The following TMCC2 variants were observed in gnomAD, a reference collection of about 807,000 sequenced individuals.
TMCC2 encodes the protein transmembrane and coiled-coil domains protein 2.
Under a neutral mutation model 49.4 loss-of-function variants are expected in TMCC2, and 16 were observed. The ratio of observed to expected loss-of-function variants is 0.32; its 90% confidence interval spans 0.22 to 0.49. The LOEUF (loss-of-function observed/expected upper bound fraction) is 0.49, where lower values mean the gene tolerates loss of function less well. TMCC2 is among the 20% of genes least tolerant of loss of function. The probability of loss-of-function intolerance (pLI) is 0.99; values close to 1 mark genes in which losing one functional copy is unlikely to be tolerated. For missense variants in TMCC2, 762 were observed against 989.8 expected (o/e 0.77, Z 3.09); for synonymous variants, 397 against 434.1 (o/e 0.91, Z 1.06).
chr1:205,266,379 T>C (rs1574866168), intron 2 of TMCC2, among the ~76,000 whole-genome samples: 1 of 151,180 alleles, frequency 6.6e-6, no homozygotes, highest in African/African-American at 2.4e-5. Context: ...TCCCCTGAGA[T>C]GAGGAGTTGA....
intron 2 of TMCC2, among the ~76,000 whole-genome samples, chr1:205,263,610 G>A (rs527444887): frequency 2.6e-5 from 4 of 152,210 alleles, no homozygotes; most frequent in Admixed American, 2.0e-4. Context: ...GAGGATTTGA[G>A]CCTGGGGAGG....
chr1:205,269,380 C>G lies in TMCC2; in HGVS notation c.1178C>G (p.Ala393Gly). 1 of 1,610,038 alleles carries G rather than the reference C, an allele frequency of 6.2e-7. No individual in the cohort carries two copies. ...GLKDVGANVR[A>G]GISGFGGGVV... Reference sequence around the variant, plus strand: ...AAGGACGTGGGCGCCAACGTGCGCGCAGGCATCAGCGGCTTTGGGGGCGGC... The same window carrying G: ...AAGGACGTGGGCGCCAACGTGCGCGGAGGCATCAGCGGCTTTGGGGGCGGC... The change falls in exon 3 of 5, where the codon GCA (alanine) becomes GGA (glycine). Residue 393 changes from alanine (A) to glycine (G), a missense_variant. Physicochemically the swap from Ala to Gly is moderately conservative, Grantham distance 60. Transcript: ENST00000358024.
intron 2 of TMCC2, among the ~76,000 whole-genome samples, chr1:205,259,005 G>A (rs561182377): frequency 6.6e-6 from 1 of 152,148 alleles, no homozygotes; most frequent in Non-Finnish European, 1.5e-5. Context: ...GGCCGCACTC[G>A]CCTGCTGGGC....
At chr1:205,257,584 G>A (rs1161817806) in intron 2 of TMCC2, among the ~76,000 whole-genome samples, 3 of 152,330 alleles carry the variant, frequency 2.0e-5, no homozygotes, top group African/African-American at 7.2e-5. Context: ...GGATGTGGGC[G>A]CCCTGTGCAG....
rs1381407303 is a variant in TMCC2 at position 205,242,017 on chromosome 1, T to A, written c.720T>A (p.Ala240=). The A allele has an allele frequency of 6.2e-7, 1 of 1,600,574 alleles. No individual in the cohort carries two copies. Among genetic ancestry groups the A allele is most frequent in the African/African-American group, 1.3e-5 (1 of 74,732 alleles). ...ACGGCAGCAACGTGTACCTCCTGGCTGAGGAGGCCGAAGGCATCGGGGACA... is the reference window on the plus strand; with the variant it reads ...ACGGCAGCAACGTGTACCTCCTGGCAGAGGAGGCCGAAGGCATCGGGGACA... ...LADGSNVYLL[A]EEAEGIGDKV... is the part of the protein sequence containing the mutation. Residue 240 remains alanine (A), a synonymous_variant, in exon 2 of 5, where the codon GCT becomes GCA. Transcript: ENST00000358024.
rs1660255636 is a variant in TMCC2 at position 205,241,370 on chromosome 1, A to C, written c.208-135A>C. 1 of 1,002,554 alleles carries C rather than the reference A, an allele frequency of 1.0e-6. No individual in the cohort carries two copies. The highest frequency in any genetic ancestry group is 1.6e-5 in the African/African-American group (1 of 61,212). The allele number at this position is 1,002,554 out of a possible 1,614,324, so 62.1% of individuals were successfully genotyped here. On this transcript the variant is annotated intron_variant, in intron 1 of 4. Coordinates refer to ENST00000358024, the MANE Select transcript of TMCC2 (RefSeq NM_014858.4). This position sits in a 1 kb window ranked among gnomAD's most constrained non-coding sequence, Gnocchi z 7.3. ...CCTTTATGCACGACGGGCCATCCAC[A>C]GAGATCTTCCAGGTTCAGATGGCTG...
chr1:205,271,343 T>A, intron 4 of TMCC2, 88 bp downstream of exon 4: 1 of 1,604,226 alleles, frequency 6.2e-7, no homozygotes, highest in Non-Finnish European at 8.5e-7. Flanking sequence ...ACGTGGGGCA[T>A]GATAGACACA....
intron 2 of TMCC2, 141 bp from the exon 3 acceptor site, chr1:205,268,809 G>A (rs1661451674): frequency 1.3e-6 from 1 of 764,052 alleles, no homozygotes. Flanking sequence ...GGCTGTCAGG[G>A]ATACTGCTCT....
At chr1:205,246,575 G>C (rs1660461166) in intron 2 of TMCC2, 2 of 1,549,298 alleles carry the variant, frequency 1.3e-6, no homozygotes, top group South Asian at 2.4e-5. Flanking sequence ...TGGCTAAAAG[G>C]GTGGCGTGGC....
intron 2 of TMCC2, among the ~76,000 whole-genome samples, chr1:205,250,565 T>A (rs1484820609): frequency 1.3e-5 from 2 of 151,886 alleles, no homozygotes; most frequent in African/African-American, 2.4e-5. Flanking sequence ...AAAGAAAATA[T>A]CCAGTATTCT....
At chr1:205,232,963 C>CA in intron 1 of TMCC2, among the ~76,000 whole-genome samples, 1 of 57,364 alleles carries the variant, frequency 1.7e-5, no homozygotes. Context: ...AAAAAAAACA[C>CA]AAAAAAACAC....
chr1:205,271,691 T>A lies in TMCC2; in HGVS notation c.1819-122T>A, dbSNP rs1661600389. 4 of 1,313,436 alleles carry A rather than the reference T, an allele frequency of 3.0e-6. No homozygotes were observed. The African/African-American group carries it at 5.9e-5, about 19-fold the overall frequency. The allele number at this position is 1,313,436 out of a possible 1,614,324, so 81.4% of individuals were successfully genotyped here. ...CCAGTTGCAGCTGGTCAACCTCCAC[T>A]CCTCCTGGCCTTTGGAGAGGAGACT... On this transcript the variant is annotated intron_variant, in intron 4 of 4. Coordinates refer to ENST00000358024, the MANE Select transcript of TMCC2 (RefSeq NM_014858.4).
intron 2 of TMCC2, among the ~76,000 whole-genome samples, chr1:205,244,884 G>C (rs142253572): frequency 6.6e-6 from 1 of 152,144 alleles, no homozygotes; most frequent in Non-Finnish European, 1.5e-5. Flanking sequence ...AGAATAAAGA[G>C]GAGTGAGAGA....
intron 1 of TMCC2, chr1:205,229,546 G>A: frequency 2.9e-5 from 1 of 35,084 alleles, no homozygotes; most frequent in Non-Finnish European, 4.6e-5. Context: ...GTGAAGGGGC[G>A]GGGGGGGGGG....
chr1:205,228,864 G>A (rs1659670240), intron 1 of TMCC2, 93 bp downstream of exon 1: 14 of 1,470,210 alleles, frequency 9.5e-6, no homozygotes, highest in Admixed American at 2.3e-5. Context: ...AAGTGAGGGG[G>A]GAAGCCAGGC....
At position 205,228,307 on chromosome 1, in the gene TMCC2, C is replaced by T. The variant is rs1332415279; in HGVS notation, c.-258C>T. 2 of 375,836 alleles carry T rather than the reference C, an allele frequency of 5.3e-6. No homozygotes were observed. Among genetic ancestry groups the T allele is most frequent in the Non-Finnish European group, 4.9e-6 (1 of 204,938 alleles). The allele number at this position is 375,836 out of a possible 1,614,324, so 23.3% of individuals were successfully genotyped here. On this transcript the variant is annotated 5_prime_UTR_variant, in exon 1 of 5. Coordinates refer to ENST00000358024, the MANE Select transcript of TMCC2 (RefSeq NM_014858.4). ...AATGACTGCCCAAGGACTCTTGCTGCCCAGCCTCGACTGTGACCTGTCTTC... is the reference window on the plus strand; with the variant it reads ...AATGACTGCCCAAGGACTCTTGCTGTCCAGCCTCGACTGTGACCTGTCTTC...
chr1:205,270,487 C>G (rs927038822), intron 3 of TMCC2, among the ~76,000 whole-genome samples: 1 of 152,216 alleles, frequency 6.6e-6, no homozygotes, highest in African/African-American at 2.4e-5. Flanking sequence ...CCCTTTTCTG[C>G]CCTTGGCTCT....
intron 1 of TMCC2, chr1:205,236,454 G>A (rs1043961341): frequency 2.6e-5 from 4 of 152,250 alleles, no homozygotes; most frequent in African/African-American, 9.6e-5. Flanking sequence ...AGATGGATTT[G>A]TAGAGACTTG....
At position 205,228,390 on chromosome 1, in the gene TMCC2, C is replaced by T; in HGVS notation, c.-175C>T. 1 of 565,982 alleles carries T rather than the reference C, an allele frequency of 1.8e-6. No homozygotes were observed. Among genetic ancestry groups the T allele is most frequent in the Non-Finnish European group, 3.1e-6 (1 of 322,384 alleles). The allele number at this position is 565,982 out of a possible 1,614,324, so 35.1% of individuals were successfully genotyped here. On this transcript the variant is annotated 5_prime_UTR_variant, in exon 1 of 5. Coordinates refer to ENST00000358024, the MANE Select transcript of TMCC2 (RefSeq NM_014858.4). ...ATAACCAAGGCTCCCCCTTCTCGCC[C>T]CTCCCTCACCCGCCTTTAAGAATTT...
Sources: allele counts gnomAD v4.1 joint callset (sites outside exome capture counted in the v4.1 genomes callset), GRCh38; gene constraint gnomAD v4.1.1; non-coding constraint Gnocchi (gnomAD v3.1); transcripts MANE v1.5; gene names NCBI Gene and HGNC (gene_info 2026-07-23, HGNC 2026-07-21).